Variants in ATRNL1 observed in about 807,000 individuals in gnomAD.
ATRNL1 encodes attractin like 1, also known as attractin-like protein 1.
In ATRNL1, 95 loss-of-function variants were observed where a neutral mutation model predicts 182.7. That is an observed-to-expected ratio of 0.52 (90% CI 0.44 to 0.62). The LOEUF is 0.62. Among genes scored for constraint, ATRNL1 ranks in the 20% least tolerant of loss-of-function variants. ATRNL1 has a pLI of 0.00. For synonymous variants in ATRNL1, 576 were observed against 568.3 expected, an observed-to-expected ratio of 1.01 and a Z score of -0.19; for missense variants, 1,471 against 1,679.5, an observed-to-expected ratio of 0.88 and a Z score of 2.17.
intron 8 of ATRNL1, among the ~76,000 whole-genome samples, chr10:115,206,310 T>TCAA (rs1848794440): frequency 6.6e-6 from 1 of 152,098 alleles, no homozygotes; most frequent in Non-Finnish European, 1.5e-5. Context: ...AAATACTTTG[T>TCAA]TTGTGATTTG....
rs1847108665 is a variant in ATRNL1, at chr10:115,448,318, C to G, written c.3323-13623C>G. Among the ~76,000 whole-genome samples, 5 of 152,018 alleles carry G rather than the reference C, an allele frequency of 3.3e-5. No homozygotes were observed. The South Asian group carries it at 1.0e-3, about 31-fold the overall frequency. ...GATATAAAACAATCCTCAGCAAATG[C>G]AAAAGAACTGAAATCATAACAAACA... On this transcript the variant is annotated intron_variant, in intron 21 of 28. Transcript: ENST00000355044.
intron 21 of ATRNL1, among the ~76,000 whole-genome samples, chr10:115,447,138 G>A (rs1466821171): frequency 6.6e-6 from 1 of 151,340 alleles, no homozygotes; most frequent in Non-Finnish European, 1.5e-5. Flanking sequence ...TTTAAGTTAT[G>A]GAAATTTAAA....
rs537596195 is a variant in ATRNL1 at position 115,177,147 on chromosome 10, A to G, written c.1348+5855A>G. ...AGAATATTAAGTGGGAAAGTAATCAACGGAGCCACATTCTGCTGATGCCTC... is the reference window on the plus strand; with the variant it reads ...AGAATATTAAGTGGGAAAGTAATCAGCGGAGCCACATTCTGCTGATGCCTC... On this transcript the variant is annotated intron_variant, in intron 8 of 28. Transcript: ENST00000355044. 6.6e-5 allele frequency among the ~76,000 whole-genome samples: 10 copies of G among 152,316 alleles called. No homozygotes were observed. The East Asian group carries it at 1.2e-3, about 18-fold the overall frequency.
At chr10:115,739,392 C>G (rs1453220414) in intron 27 of ATRNL1, among the ~76,000 whole-genome samples, 1 of 152,128 alleles carries the variant, frequency 6.6e-6, no homozygotes, top group Non-Finnish European at 1.5e-5. Context: ...TGCTTGGGAA[C>G]AGTGTTATAG....
chr10:115,708,324 A>G (rs572316474), intron 26 of ATRNL1, among the ~76,000 whole-genome samples: 2 of 151,640 alleles, frequency 1.3e-5, no homozygotes, highest in Non-Finnish European at 3.0e-5. Flanking sequence ...TTTAGCTTTT[A>G]GTAAGTCCCA....
At chr10:115,740,320 T>C (rs540117654) in intron 27 of ATRNL1, among the ~76,000 whole-genome samples, 268 of 152,286 alleles carry the variant, frequency 1.8e-3, no homozygotes, top group Non-Finnish European at 3.1e-3. Context: ...ATTATATGTC[T>C]TTTTAAATTT....
chr10:115,804,064 C>A (rs567379587), intron 27 of ATRNL1, among the ~76,000 whole-genome samples: 1 of 152,218 alleles, frequency 6.6e-6, no homozygotes, highest in Admixed American at 6.5e-5. Context: ...TTAATTTTTA[C>A]AGTAACTGTT....
intron 27 of ATRNL1, among the ~76,000 whole-genome samples, chr10:115,810,703 T>C (rs1555086802): frequency 6.6e-6 from 1 of 151,852 alleles, no homozygotes; most frequent in African/African-American, 2.4e-5. Flanking sequence ...CTGTTCAAGT[T>C]ATATAGTTCT....
At chr10:115,244,088 T>G (rs1850530552) in intron 10 of ATRNL1, among the ~76,000 whole-genome samples, 1 of 152,154 alleles carries the variant, frequency 6.6e-6, no homozygotes, top group Non-Finnish European at 1.5e-5. Context: ...CATTATATAG[T>G]AAACCAATTA....
chr10:115,772,619 G>T (rs1309069177), intron 27 of ATRNL1, among the ~76,000 whole-genome samples: 1 of 151,540 alleles, frequency 6.6e-6, no homozygotes, highest in Non-Finnish European at 1.5e-5. Context: ...GTGTGTGTGT[G>T]TGTGTGTGTG....
rs1851634140 is a variant in ATRNL1 at position 115,266,982 on chromosome 10, G to A, written c.1958G>A (p.Arg653Lys). The change falls in exon 12 of 29, where the codon AGA becomes AAA. Residue 653 changes from arginine (R) to lysine (K), a missense_variant. Physicochemically the swap from Arg to Lys is conservative, Grantham distance 26. Coordinates refer to ENST00000355044, the MANE Select transcript of ATRNL1 (RefSeq NM_207303.4). ...WESGNTNNIL[R>K]AKCPPKTAAS... ...TCTGGGAATACTAATAATATTCTTA[G>A]AGCAAAGTGCCCTCCTAAAACAGGT... 1.2e-6 allele frequency: 2 copies of A among 1,610,324 alleles called. No homozygotes were observed. Among genetic ancestry groups the A allele is most frequent in the South Asian group, 2.2e-5 (2 of 90,872 alleles).
chr10:115,541,732 A>G (rs1360946255), intron 25 of ATRNL1, among the ~76,000 whole-genome samples: 2 of 152,010 alleles, frequency 1.3e-5, no homozygotes, highest in Non-Finnish European at 2.9e-5. Context: ...AGACAGAAAC[A>G]AAAAAAATAC....
intron 27 of ATRNL1, among the ~76,000 whole-genome samples, chr10:115,742,235 G>GA (rs1948159845): frequency 6.6e-6 from 1 of 152,112 alleles, no homozygotes; most frequent in Non-Finnish European, 1.5e-5. Flanking sequence ...AGTTTCAAGA[G>GA]AAAGTTTTTT....
intron 28 of ATRNL1, among the ~76,000 whole-genome samples, chr10:115,865,434 A>G (rs782014923): frequency 3.9e-5 from 6 of 152,198 alleles, no homozygotes; most frequent in Non-Finnish European, 7.4e-5. Context: ...AGTTCAATCT[A>G]TAGTTTACAG....
At chr10:115,798,889 C>T (rs1295413322) in intron 27 of ATRNL1, among the ~76,000 whole-genome samples, 4 of 148,268 alleles carry the variant, frequency 2.7e-5, no homozygotes, top group Non-Finnish European at 5.9e-5. Flanking sequence ...TGCAGTGGCG[C>T]GATCTCAGCT....
intron 6 of ATRNL1, among the ~76,000 whole-genome samples, chr10:115,163,123 G>A (rs1396305334): frequency 6.6e-6 from 1 of 151,456 alleles, no homozygotes; most frequent in Non-Finnish European, 1.5e-5. Context: ...ATAACACCAT[G>A]TTTGTGTGCT....
chr10:115,158,773 A>G (rs1554882625), intron 5 of ATRNL1, among the ~76,000 whole-genome samples: 1 of 151,928 alleles, frequency 6.6e-6, no homozygotes, highest in African/African-American at 2.4e-5. Context: ...GATATAAGCA[A>G]ATTGAAGATT....
chr10:115,758,345 T>C (rs895925959), intron 27 of ATRNL1, among the ~76,000 whole-genome samples: 2 of 24,638 alleles, frequency 8.1e-5, no homozygotes, highest in Non-Finnish European at 1.8e-4. Context: ...TACTATTCCT[T>C]TCTGTTTGAT....
In ATRNL1 at chr10:115,160,059, T is replaced by C. The variant is rs1846705224; in HGVS notation, c.849T>C (p.Asn283=). 2.5e-6 allele frequency: 4 copies of C among 1,607,734 alleles called. No homozygotes were observed. Among genetic ancestry groups the C allele is most frequent in the Non-Finnish European group, 3.4e-6 (4 of 1,176,986 alleles). The change falls in exon 6 of 29, where the codon AAT becomes AAC. Residue 283 remains asparagine, a synonymous_variant. Transcript: ENST00000355044. ...DSWQGPDCSL[N]VPSTESYWIL... ...TAATAGGTCCTGATTGTTCTTTGAA[T>C]GTTCCCTCTACTGAGTCTTACTGGA...
Sources: allele counts gnomAD v4.1 joint callset (sites outside exome capture counted in the v4.1 genomes callset), GRCh38; gene constraint gnomAD v4.1.1; transcripts MANE v1.5; gene names NCBI Gene and HGNC (gene_info 2026-07-23, HGNC 2026-07-21).